The following ANKS1B variants were observed in gnomAD, a reference collection of about 807,000 sequenced individuals.
The protein encoded by ANKS1B is ankyrin repeat and sterile alpha motif domain containing 1B.
Under a neutral mutation model 148.3 loss-of-function variants are expected in ANKS1B, and 36 were observed. The ratio of observed to expected loss-of-function variants is 0.24; its 90% CI spans 0.19 to 0.32. ANKS1B has a LOEUF of 0.32. Ranked by LOEUF, ANKS1B falls within the 10% of genes least tolerant of loss-of-function variation. ANKS1B has a pLI of 1.00. For missense variants in ANKS1B, 1,157 were observed against 1,542.6 expected, an observed-to-expected ratio of 0.75 and a Z score of 4.19; for synonymous variants, 542 against 560.8, an observed-to-expected ratio of 0.97 and a Z score of 0.47.
At chr12:99,526,936 AAAG>A (rs1319391112) in intron 9 of ANKS1B, among the ~76,000 whole-genome samples, 3 of 152,224 alleles carry the variant, frequency 2.0e-5, no homozygotes, top group Non-Finnish European at 2.9e-5. Context: ...GTCGTTATAA[AAAG>A]AAGAAATCTG....
chr12:98,852,018 A>G (rs111701714), intron 17 of ANKS1B, among the ~76,000 whole-genome samples: 3,387 of 82,756 alleles, frequency 0.041, 135 homozygotes, highest in African/African-American at 0.13. Context: ...GCGAGACTCC[A>G]TCTCAAAAAA....
At chr12:99,120,889 G>C (rs2062624675) in intron 15 of ANKS1B, among the ~76,000 whole-genome samples, 1 of 152,120 alleles carries the variant, frequency 6.6e-6, no homozygotes, top group South Asian at 2.1e-4. Context: ...TCCTAGGAAT[G>C]GAACTCATTG....
At chr12:99,549,888 C>G (rs553289129) in intron 9 of ANKS1B, among the ~76,000 whole-genome samples, 12 of 152,314 alleles carry the variant, frequency 7.9e-5, no homozygotes, top group African/African-American at 2.9e-4. Flanking sequence ...TGCCTAACTG[C>G]AGAAAATTCC....
intron 9 of ANKS1B, among the ~76,000 whole-genome samples, chr12:99,531,011 G>A (rs1364291271): frequency 6.6e-6 from 1 of 152,108 alleles, no homozygotes; most frequent in Middle Eastern, 3.2e-3. Context: ...TCTTGCTTAT[G>A]TTCTCCTTAT....
At chr12:98,781,557 C>G (rs930006896) in intron 23 of ANKS1B, 4 of 413,802 alleles carry the variant, frequency 9.7e-6, no homozygotes, top group African/African-American at 8.1e-5. Flanking sequence ...AGTGACTGTT[C>G]CTTTCACAAG....
At chr12:99,180,273 A>T (rs1472295397) in intron 14 of ANKS1B, among the ~76,000 whole-genome samples, 2 of 152,224 alleles carry the variant, frequency 1.3e-5, no homozygotes, top group African/African-American at 4.8e-5. Context: ...TTAAAAATGT[A>T]CATATACATT....
Position 99,874,022 on chromosome 12 carries a change from C to CATATATATATATATATATATATATAT in ANKS1B, c.135-48634_135-48633insATATATATATATATATATATATATAT, listed in dbSNP as rs150860727. On this transcript the variant is annotated intron_variant, in intron 1 of 26. Transcript: ENST00000683438. ...TAAATCTCTCTCTCTCTCTCTCTCACATATATATATATATATATCCTGTTG... is the reference window on the plus strand; with the variant it reads ...TAAATCTCTCTCTCTCTCTCTCTCACATATATATATATATATATATATATATATATATATATATATATATCCTGTTG... Among the ~76,000 whole-genome samples, 101 of 137,856 alleles carry CATATATATATATATATATATATATAT rather than the reference C, an allele frequency of 7.3e-4. 2 individuals carry two copies. The highest frequency in any genetic ancestry group is 2.9e-3 in the African/African-American group (91 of 31,500). 90.4% of individuals were successfully genotyped at this position (137,856 alleles called of 152,430 possible). A position where few individuals can be genotyped will look rare whatever the true frequency, so the allele number is the denominator to read the frequency against.
At chr12:99,030,599 C>T (rs2099951503) in intron 17 of ANKS1B, among the ~76,000 whole-genome samples, 1 of 152,200 alleles carries the variant, frequency 6.6e-6, no homozygotes, top group South Asian at 2.1e-4. Context: ...TCTCTTTCTC[C>T]TCCTCTAGGC....
intron 17 of ANKS1B, among the ~76,000 whole-genome samples, chr12:98,962,693 C>A (rs1038658112): frequency 9.2e-5 from 14 of 151,994 alleles, no homozygotes; most frequent in African/African-American, 3.4e-4. Flanking sequence ...GTATGTTAGG[C>A]CACAAAACAA....
intron 12 of ANKS1B, among the ~76,000 whole-genome samples, chr12:99,372,663 G>T (rs2152476085): frequency 6.6e-6 from 1 of 152,134 alleles, no homozygotes; most frequent in South Asian, 2.1e-4. Flanking sequence ...TCCTCCCCTA[G>T]TTTTATACAT....
intron 11 of ANKS1B, among the ~76,000 whole-genome samples, chr12:99,402,745 T>C (rs2094437878): frequency 6.8e-6 from 1 of 146,396 alleles, no homozygotes; most frequent in Non-Finnish European, 1.5e-5. Context: ...GTTGATTCCA[T>C]GTCTTTCATA....
At chr12:99,828,436 C>T (rs893961761) in intron 1 of ANKS1B, among the ~76,000 whole-genome samples, 1 of 152,128 alleles carries the variant, frequency 6.6e-6, no homozygotes, top group Non-Finnish European at 1.5e-5. Context: ...CAGAGCTTCC[C>T]ATGAGTTTTT....
At chr12:99,237,350 G>A (rs1322880251) in intron 14 of ANKS1B, among the ~76,000 whole-genome samples, 2 of 152,018 alleles carry the variant, frequency 1.3e-5, no homozygotes, top group African/African-American at 2.4e-5. Context: ...ATGTGTTTGT[G>A]TGTGTCTGGG....
chr12:99,676,936 G>A (rs937766428), intron 8 of ANKS1B, among the ~76,000 whole-genome samples: 1 of 152,186 alleles, frequency 6.6e-6, no homozygotes, highest in Non-Finnish European at 1.5e-5. Flanking sequence ...TAGGAAGAAG[G>A]AGAATGTGTT....
At chr12:99,065,532 G>C (rs953632819) in intron 16 of ANKS1B, among the ~76,000 whole-genome samples, 1 of 151,998 alleles carries the variant, frequency 6.6e-6, no homozygotes, top group African/African-American at 2.4e-5. Flanking sequence ...GGTCAAACAG[G>C]AGTATACTCA....
chr12:99,624,830 A>G (rs928684998), intron 9 of ANKS1B, among the ~76,000 whole-genome samples: 1 of 152,142 alleles, frequency 6.6e-6, no homozygotes, highest in Non-Finnish European at 1.5e-5. Context: ...TGTGGGAAAC[A>G]GTTGGGAGAG....
At chr12:98,928,807 C>T (rs971042952) in intron 17 of ANKS1B, among the ~76,000 whole-genome samples, 1 of 151,922 alleles carries the variant, frequency 6.6e-6, no homozygotes, top group African/African-American at 2.4e-5. Context: ...TGATAAAGCC[C>T]AGCCATATAT....
chr12:99,328,111 A>G (rs1378313500), intron 12 of ANKS1B, among the ~76,000 whole-genome samples: 2 of 152,062 alleles, frequency 1.3e-5, no homozygotes, highest in African/African-American at 4.8e-5. Flanking sequence ...GTGAAAATAT[A>G]TAAAATGATA....
At chr12:99,925,371 G>A (rs1171766282) in intron 1 of ANKS1B, among the ~76,000 whole-genome samples, 2 of 152,150 alleles carry the variant, frequency 1.3e-5, no homozygotes, top group African/African-American at 4.8e-5. Flanking sequence ...GCTATCACTG[G>A]CATACCAGAA....
Sources: gnomAD v4.1 joint callset for allele counts (sites outside exome capture counted in the v4.1 genomes callset) on GRCh38, gnomAD v4.1.1 for gene constraint, MANE v1.5 for transcripts, NCBI Gene and HGNC (gene_info 2026-07-23, HGNC 2026-07-21) for gene names.